GPR161: variants seen among roughly 807,000 people sequenced by gnomAD.
GPR161 encodes the protein G-protein coupled receptor RE2.
A neutral mutation model predicts 39.2 loss-of-function variants in GPR161; 25 were observed. That is an observed-to-expected ratio of 0.64 (90% CI 0.47 to 0.89). The LOEUF is 0.89. Among genes scored for constraint, GPR161 ranks in the 40% least tolerant of loss-of-function variants. GPR161 has a pLI of 0.00. For synonymous variants in GPR161, 286 were observed against 276.6 expected (o/e 1.03, Z -0.34); for missense variants, 547 against 677.8 (o/e 0.81, Z 2.14).
At chr1:168,115,728 G>A (rs918517024) in intron 1 of GPR161, among the ~76,000 whole-genome samples, 7 of 152,028 alleles carry the variant, frequency 4.6e-5, no homozygotes, top group Admixed American at 1.3e-4. Flanking sequence ...GAGGGTCCCC[G>A]GGATAGGACA....
At chr1:168,088,087 C>G (rs1295909185) in intron 4 of GPR161, 1 of 168,582 alleles carries the variant, frequency 5.9e-6, no homozygotes, top group Non-Finnish European at 1.3e-5. Context: ...ATTCTTCCTA[C>G]AGTCTGAATT....
chr1:168,090,536 TGA>T, intron 4 of GPR161, 26 bp downstream of exon 4: 1 of 1,316,902 alleles, frequency 7.6e-7, no homozygotes. Context: ...ACGCGACAGG[TGA>T]GAGGCTTATA....
chr1:168,122,715 G>C (rs1167272223), intron 1 of GPR161, among the ~76,000 whole-genome samples: 1 of 152,118 alleles, frequency 6.6e-6, no homozygotes, highest in East Asian at 1.9e-4. Flanking sequence ...CGTATGCCCA[G>C]AATGCCCTTT....
chr1:168,088,047 C>T (rs933816728), intron 4 of GPR161: 9 of 208,404 alleles, frequency 4.3e-5, no homozygotes, highest in Non-Finnish European at 8.6e-5. Context: ...AGGAGAGGGT[C>T]CTACTAAAAG....
At chr1:168,106,835 T>C (rs1696664751) in intron 1 of GPR161, among the ~76,000 whole-genome samples, 1 of 152,238 alleles carries the variant, frequency 6.6e-6, no homozygotes, top group Non-Finnish European at 1.5e-5. Context: ...ACATATTAGT[T>C]ACTCCAGCTT....
chr1:168,085,801 G>C lies in GPR161; in HGVS notation c.1325-5C>G, dbSNP rs771788199. On this transcript the variant is annotated splice_region_variant and splice_polypyrimidine_tract_variant and intron_variant, in intron 5 of 5. Transcript: ENST00000682931. ...GAATCGAGTTCTTGGCAGCTTCTGAGGGAGAAGGCAGAAAAAAAAGTCAGC... is the reference window on the plus strand; with the variant it reads ...GAATCGAGTTCTTGGCAGCTTCTGACGGAGAAGGCAGAAAAAAAAGTCAGC... 1.7e-5 allele frequency: 28 copies of C among 1,605,336 alleles called. No homozygotes were observed. In the South Asian group the frequency reaches 2.5e-4, roughly 15 times the overall value.
chr1:168,099,006 G>A (rs1558103157), intron 2 of GPR161, among the ~76,000 whole-genome samples: 1 of 152,192 alleles, frequency 6.6e-6, no homozygotes, highest in African/African-American at 2.4e-5. Context: ...CCACATCACA[G>A]GTCTGCTCCT....
intron 2 of GPR161, among the ~76,000 whole-genome samples, chr1:168,103,538 G>A (rs558117630): frequency 2.0e-5 from 3 of 152,192 alleles, no homozygotes; most frequent in African/African-American, 7.2e-5. Context: ...TCAGGTCTAG[G>A]TGCAGTCTGT....
Position 168,082,803 on chromosome 1 carries a change from G to A in GPR161, c.*2728C>T, listed in dbSNP as rs1386519680. On this transcript the variant is annotated 3_prime_UTR_variant, in exon 6 of 6. Transcript: ENST00000682931. ...AGCCTGGGTTTAGTGGGGGCACTTG[G>A]GGTTTCGACCTTCTGCACTAACGGC... 1 of 152,206 alleles carries A rather than the reference G, an allele frequency of 6.6e-6. No individual in the cohort carries two copies. The highest frequency in any genetic ancestry group is 2.4e-5 in the African/African-American group (1 of 41,442). The allele number at this position is 152,206 out of a possible 1,614,324, so 9.4% of individuals were successfully genotyped here.
chr1:168,093,242 C>T (rs1695232007), intron 3 of GPR161, among the ~76,000 whole-genome samples: 1 of 152,080 alleles, frequency 6.6e-6, no homozygotes, highest in African/African-American at 2.4e-5. Flanking sequence ...CCTAAGTGAC[C>T]TTCCCCGTGG....
Position 168,080,236 on chromosome 1 carries a change from A to AT in GPR161, c.*5294dup, listed in dbSNP as rs1164702065. On this transcript the variant is annotated 3_prime_UTR_variant, in exon 6 of 6. Transcript: ENST00000682931. ...GATCCTTGGTTTATAATAGTTCTAC[A>AT]TACCTAATAAAGCCCTGCTGGCCTG... 3 of 152,144 alleles carry AT rather than the reference A, an allele frequency of 2.0e-5. No homozygotes were observed. Among genetic ancestry groups the AT allele is most frequent in the Non-Finnish European group, 4.4e-5 (3 of 68,022 alleles). The allele number at this position is 152,144 out of a possible 1,614,324, so 9.4% of individuals were successfully genotyped here.
chr1:168,136,293 C>T (rs766513945), intron 1 of GPR161: 29 of 1,458,152 alleles, frequency 2.0e-5, no homozygotes, highest in Non-Finnish European at 2.5e-5. Context: ...GGCGTGACCG[C>T]TTCTCCCCAC....
At chr1:168,119,337 G>A (rs992953349) in intron 1 of GPR161, among the ~76,000 whole-genome samples, 4 of 148,048 alleles carry the variant, frequency 2.7e-5, no homozygotes, top group Non-Finnish European at 5.9e-5. Context: ...AGAAAAGGAA[G>A]GAAATTCTGA....
In GPR161 at chr1:168,083,265, A is replaced by G. The variant is rs1458972898; in HGVS notation, c.*2266T>C. 2 of 152,222 alleles carry G rather than the reference A, an allele frequency of 1.3e-5. No individual in the cohort carries two copies. Among genetic ancestry groups the G allele is most frequent in the East Asian group, 3.9e-4 (2 of 5,192 alleles). The allele number at this position is 152,222 out of a possible 1,614,324, so 9.4% of individuals were successfully genotyped here. On this transcript the variant is annotated 3_prime_UTR_variant, in exon 6 of 6. Coordinates refer to ENST00000682931, the MANE Select transcript of GPR161 (RefSeq NM_001375883.1). ...CAGTAAAAAAAGGGAAACACAGTGA[A>G]TCATTTTGTGAAATGCAGTATTTCT...
At chr1:168,132,920 T>A (rs1464945000) in intron 1 of GPR161, among the ~76,000 whole-genome samples, 1 of 152,070 alleles carries the variant, frequency 6.6e-6, no homozygotes, top group African/African-American at 2.4e-5. Flanking sequence ...AATTTTTGTA[T>A]TTTTAGTAGA....
chr1:168,127,499 AT>A (rs1698678815), intron 1 of GPR161, among the ~76,000 whole-genome samples: 1 of 151,964 alleles, frequency 6.6e-6, no homozygotes, highest in Non-Finnish European at 1.5e-5. Flanking sequence ...AAAAAAAAAA[AT>A]TTAGTTAAAG....
At chr1:168,108,486 T>TAAAAAAAAAAAAAAAAAAAAAAAA (rs10670498) in intron 1 of GPR161, among the ~76,000 whole-genome samples, 1 of 17,472 alleles carries the variant, frequency 5.7e-5, no homozygotes, top group African/African-American at 2.8e-4. Context: ...GCCCTAGTTG[T>TAAAAAAAAAAAAAAAAAAAAAAAA]AAAAAAAAAA....
intron 1 of GPR161, among the ~76,000 whole-genome samples, chr1:168,121,559 T>C (rs1322157650): frequency 6.6e-6 from 1 of 152,068 alleles, no homozygotes; most frequent in Middle Eastern, 3.2e-3. Context: ...CACAAGCAAC[T>C]AGCAGGACTC....
rs1694667330 is a variant in GPR161, at chr1:168,087,661, G to T, written c.1248C>A (p.Asn416Lys). 3.7e-6 allele frequency: 6 copies of T among 1,613,692 alleles called. No individual in the cohort carries two copies. The Middle Eastern group carries it at 6.6e-4, about 177-fold the overall frequency. ...MLLEDYTSDD[N>K]PPSHCTCPPK... ...GTGGGCAAGTGCAGTGAGAGGGAGG[G>T]TTGTCATCAGACGTGTAGTCCTCAA... Residue 416 changes from asparagine (N) to lysine (K), a missense_variant, in exon 5 of 6, where the codon AAC becomes AAA. By Grantham distance (94) the Asn-to-Lys change is moderately conservative (BLOSUM62 0). Coordinates refer to ENST00000682931, the MANE Select transcript of GPR161 (RefSeq NM_001375883.1).
Sources: allele counts gnomAD v4.1 joint callset (sites outside exome capture counted in the v4.1 genomes callset), GRCh38; gene constraint gnomAD v4.1.1; transcripts MANE v1.5; gene names NCBI Gene and HGNC (gene_info 2026-07-23, HGNC 2026-07-21).